NRXN2: variants seen among roughly 807,000 people sequenced by gnomAD.
NRXN2 encodes neurexin-2-beta.
In NRXN2, 29 loss-of-function variants were observed where a neutral mutation model predicts 128.8. The ratio of observed to expected loss-of-function variants is 0.23; its 90% confidence interval spans 0.17 to 0.31. The LOEUF (loss-of-function observed/expected upper bound fraction) is 0.31, where lower values mean the gene tolerates loss of function less well. Among genes scored for constraint, NRXN2 ranks in the 10% least tolerant of loss-of-function variants. The pLI, the probability that NRXN2 is intolerant of heterozygous loss-of-function variation, is 1.00. For synonymous variants in NRXN2, 1,098 were observed against 1,075.2 expected (o/e 1.02, Z -0.41); for missense variants, 1,881 against 2,452.6 (o/e 0.77, Z 4.92).
At chr11:64,707,725 C>T (rs1265937422) in intron 2 of NRXN2, among the ~76,000 whole-genome samples, 3 of 152,236 alleles carry the variant, frequency 2.0e-5, no homozygotes, top group Non-Finnish European at 4.4e-5. Flanking sequence ...TATAAAGTCA[C>T]TGCCTGGGCA....
chr11:64,685,356 G>C (rs913899425), intron 6 of NRXN2, among the ~76,000 whole-genome samples: 1 of 151,898 alleles, frequency 6.6e-6, no homozygotes, highest in South Asian at 2.1e-4. Context: ...CCCATCCCTC[G>C]AGAGCCCAGC....
intron 2 of NRXN2, among the ~76,000 whole-genome samples, chr11:64,712,267 A>G (rs2056989339): frequency 7.8e-6 from 1 of 128,380 alleles, no homozygotes; most frequent in Non-Finnish European, 1.6e-5. Context: ...ACAGCCTCAC[A>G]CAAGGTCTGC....
chr11:64,607,071 C>G lies in NRXN2; in HGVS notation c.*125G>C. The G allele has an allele frequency of 9.4e-7, 1 of 1,059,164 alleles. No individual in the cohort carries two copies. The highest frequency in any genetic ancestry group is 1.3e-6 in the Non-Finnish European group (1 of 745,344). The allele number at this position is 1,059,164 out of a possible 1,614,324, so 65.6% of individuals were successfully genotyped here. ...TTCCTTTTCTTTTTTTGCGTTTCCTCTTCGTAAGAGAAGCCTGAGGCAGCC... is the reference window on the plus strand; with the variant it reads ...TTCCTTTTCTTTTTTTGCGTTTCCTGTTCGTAAGAGAAGCCTGAGGCAGCC... On this transcript the variant is annotated 3_prime_UTR_variant, in exon 23 of 23. Coordinates refer to ENST00000265459, the MANE Select transcript of NRXN2 (RefSeq NM_015080.4).
At chr11:64,681,139 G>A (rs1311602540) in intron 6 of NRXN2, among the ~76,000 whole-genome samples, 1 of 149,996 alleles carries the variant, frequency 6.7e-6, no homozygotes, top group African/African-American at 2.5e-5. Flanking sequence ...AGTGAATTGT[G>A]AATTGGAGGG....
intron 7 of NRXN2, among the ~76,000 whole-genome samples, chr11:64,671,730 G>C (rs1156631916): frequency 6.6e-6 from 1 of 152,090 alleles, no homozygotes; most frequent in Admixed American, 6.5e-5. Flanking sequence ...TGCAGGTAGG[G>C]AGAGCTTCCT....
At chr11:64,643,904 T>C (rs1338178241) in intron 17 of NRXN2, among the ~76,000 whole-genome samples, 1 of 115,458 alleles carries the variant, frequency 8.7e-6, no homozygotes, top group African/African-American at 3.4e-5. Flanking sequence ...CCAATAATGC[T>C]CTCTGGCACA....
chr11:64,684,296 T>G (rs936747227), intron 6 of NRXN2, among the ~76,000 whole-genome samples: 13 of 152,110 alleles, frequency 8.5e-5, no homozygotes, highest in African/African-American at 3.1e-4. Flanking sequence ...CTGTCACAAA[T>G]GCACATGACA....
intron 6 of NRXN2, among the ~76,000 whole-genome samples, chr11:64,679,612 G>C (rs907898613): frequency 1.3e-5 from 2 of 152,110 alleles, no homozygotes; most frequent in East Asian, 3.9e-4. Flanking sequence ...ACTCCAGCCT[G>C]GGTGACAGAG....
At chr11:64,640,763 G>A (rs933728417) in intron 17 of NRXN2, among the ~76,000 whole-genome samples, 10 of 152,102 alleles carry the variant, frequency 6.6e-5, no homozygotes, top group African/African-American at 2.2e-4. Flanking sequence ...AAGAGAAAAC[G>A]GAAGCATGAA....
chr11:64,702,311 T>G (rs1214279419), intron 2 of NRXN2, among the ~76,000 whole-genome samples: 1 of 152,004 alleles, frequency 6.6e-6, no homozygotes, highest in Non-Finnish European at 1.5e-5. Flanking sequence ...ACCCAACAGC[T>G]CATTGAGAAC....
At chr11:64,720,994 TG>T (rs1346939576) in intron 1 of NRXN2, among the ~76,000 whole-genome samples, 2 of 151,958 alleles carry the variant, frequency 1.3e-5, no homozygotes, top group Admixed American at 1.3e-4. Flanking sequence ...CTGGGGGCTC[TG>T]GGGGCACGTA....
At chr11:64,701,570 T>TGTAGAGA (rs1023735085) in intron 2 of NRXN2, among the ~76,000 whole-genome samples, 3 of 152,062 alleles carry the variant, frequency 2.0e-5, no homozygotes, top group African/African-American at 7.2e-5. Flanking sequence ...GAGACCCGTC[T>TGTAGAGA]CTACAAACAA....
chr11:64,685,988 G>C, intron 5 of NRXN2, 41 bp from the exon 6 acceptor site: 1 of 1,610,358 alleles, frequency 6.2e-7, no homozygotes, highest in East Asian at 2.2e-5. Flanking sequence ...AGGCTGAATG[G>C]GGCAGGGTAC....
chr11:64,624,744 T>C (rs1220253585), intron 20 of NRXN2, among the ~76,000 whole-genome samples: 4 of 152,242 alleles, frequency 2.6e-5, no homozygotes, highest in Non-Finnish European at 5.9e-5. Context: ...AAACTCATTC[T>C]ACCACAAATC....
At chr11:64,647,803 G>A (rs1216961828) in intron 17 of NRXN2, among the ~76,000 whole-genome samples, 1 of 152,230 alleles carries the variant, frequency 6.6e-6, no homozygotes, top group Non-Finnish European at 1.5e-5. Flanking sequence ...AGGGGGTGCA[G>A]ATTGTTAACA....
At chr11:64,636,535 T>A (rs1270111028) in intron 17 of NRXN2, among the ~76,000 whole-genome samples, 1 of 152,018 alleles carries the variant, frequency 6.6e-6, no homozygotes, top group South Asian at 2.1e-4. Context: ...AGAACATAAA[T>A]GGAGCAGATG....
rs758853226 is a variant in NRXN2, at chr11:64,660,780, C to T, written c.2158G>A (p.Gly720Ser). 3.1e-6 allele frequency: 5 copies of T among 1,613,392 alleles called. No individual in the cohort carries two copies. Among genetic ancestry groups the T allele is most frequent in the East Asian group, 2.2e-5 (1 of 44,880 alleles). Residue 720 changes from glycine (G) to serine (S), a missense_variant, in exon 10 of 23, where the codon GGC (glycine) becomes AGC (serine). By Grantham distance (56) the Gly-to-Ser change is moderately conservative. Around this residue, in one of 7 missense-constraint regions of NRXN2, gnomAD observed 997 missense variants for 1,240.8 expected, o/e 0.80. Transcript: ENST00000265459. The surrounding 1 kb of genome is among the most constrained non-coding windows in gnomAD (Gnocchi z 5.2). ...CTCTCACAGACCCGCCCAAGAAAGC[C>T]GGTCCCGATGCAGTCACAGATGAAG... ...NRFICDCIGTGFLGRVCEREA... is the reference protein window; with the variant it reads ...NRFICDCIGTSFLGRVCEREA...
Position 64,648,617 on chromosome 11 carries a change from A to T in NRXN2, c.3283+117T>A. On this transcript the variant is annotated intron_variant, in intron 16 of 22. Coordinates refer to ENST00000265459, the MANE Select transcript of NRXN2 (RefSeq NM_015080.4). The surrounding 1 kb of genome is among the most constrained non-coding windows in gnomAD (Gnocchi z 4.1). ...CAGAACTGTGGGGGCAAGCTCCCAT[A>T]AGGCCTGAGAAGGAAGGCCCCTTGG... The T allele has an allele frequency of 7.2e-7, 1 of 1,388,508 alleles. No homozygotes were observed. Among genetic ancestry groups the T allele is most frequent in the South Asian group, 1.2e-5 (1 of 84,730 alleles). The allele number at this position is 1,388,508 out of a possible 1,614,324, so 86.0% of individuals were successfully genotyped here.
rs2057183379 is a variant in NRXN2 at position 64,713,792 on chromosome 11, C to T, written c.-93G>A. On this transcript the variant is annotated 5_prime_UTR_variant, in exon 2 of 23. Coordinates refer to ENST00000265459, the MANE Select transcript of NRXN2 (RefSeq NM_015080.4). ...GGGCGGGAGGGGGCCGGGCGCTCCC[C>T]GCGCTGAGCGGGGCTCCCTTGCAGG... 5.5e-6 allele frequency: 4 copies of T among 730,260 alleles called. No individual in the cohort carries two copies. Among genetic ancestry groups the T allele is most frequent in the Non-Finnish European group, 6.7e-6 (4 of 592,752 alleles). The allele number at this position is 730,260 out of a possible 1,614,324, so 45.2% of individuals were successfully genotyped here. A position where few individuals can be genotyped will look rare whatever the true frequency, so the allele number is the denominator to read the frequency against.
Sources: allele counts gnomAD v4.1 joint callset (sites outside exome capture counted in the v4.1 genomes callset), GRCh38; gene constraint gnomAD v4.1.1; regional missense constraint gnomAD v4.1.1; non-coding constraint Gnocchi (gnomAD v3.1); transcripts MANE v1.5; gene names NCBI Gene and HGNC (gene_info 2026-07-23, HGNC 2026-07-21).